Variants in ATXN2 observed in about 807,000 individuals in gnomAD.
ATXN2 encodes the protein ataxin 2.
In ATXN2, 37 loss-of-function variants were observed where a neutral mutation model predicts 138.6. That is an observed-to-expected ratio of 0.27 (90% CI 0.21 to 0.35). The LOEUF is 0.35. Ranked by LOEUF, ATXN2 falls within the 10% of genes least tolerant of loss-of-function variation. The probability of loss-of-function intolerance (pLI) is 1.00; values close to 1 mark genes in which losing one functional copy is unlikely to be tolerated. For synonymous variants in ATXN2, 549 were observed against 543.7 expected (o/e 1.01, Z -0.13); for missense variants, 1,216 against 1,480.3 (o/e 0.82, Z 2.93).
At chr12:111,455,242 G>A (rs1400989446) in intron 23 of ATXN2, 1 of 659,484 alleles carries the variant, frequency 1.5e-6, no homozygotes, top group Non-Finnish European at 2.8e-6. Flanking sequence ...CCCCAGGGAG[G>A]GCCTCAAGGC....
At chr12:111,573,664 T>C (rs1038121984) in intron 1 of ATXN2, among the ~76,000 whole-genome samples, 10 of 152,134 alleles carry the variant, frequency 6.6e-5, no homozygotes, top group African/African-American at 1.9e-4. Flanking sequence ...ATCCATCACT[T>C]CCTCATCTGT....
intron 20 of ATXN2, among the ~76,000 whole-genome samples, chr12:111,466,433 G>A (rs1876031995): frequency 6.6e-6 from 1 of 151,864 alleles, no homozygotes; most frequent in South Asian, 2.1e-4. Flanking sequence ...CGCAGGAGGC[G>A]GAGCGTGCAG....
intron 14 of ATXN2, among the ~76,000 whole-genome samples, chr12:111,493,550 T>C (rs1450051768): frequency 6.6e-6 from 1 of 151,940 alleles, no homozygotes. Flanking sequence ...ATTGTAACAC[T>C]GTAATTGTGG....
intron 16 of ATXN2, among the ~76,000 whole-genome samples, chr12:111,486,272 A>G (rs1334164530): frequency 6.6e-6 from 1 of 152,262 alleles, no homozygotes; most frequent in Non-Finnish European, 1.5e-5. Flanking sequence ...AAAATCATGT[A>G]GTATTCGCAT....
At chr12:111,529,132 A>T (rs1041298653) in intron 5 of ATXN2, among the ~76,000 whole-genome samples, 12 of 143,792 alleles carry the variant, frequency 8.3e-5, no homozygotes, top group Admixed American at 4.9e-4. Flanking sequence ...TCTGGATTTT[A>T]AAAAAAAAAA....
intron 1 of ATXN2, among the ~76,000 whole-genome samples, chr12:111,585,098 G>A (rs1485140976): frequency 6.6e-6 from 1 of 152,130 alleles, no homozygotes; most frequent in Non-Finnish European, 1.5e-5. Context: ...TTCTTTGGGA[G>A]ATATAAAAAA....
chr12:111,467,982 C>T (rs1394167648), intron 20 of ATXN2, among the ~76,000 whole-genome samples: 1 of 152,218 alleles, frequency 6.6e-6, no homozygotes, highest in African/African-American at 2.4e-5. Context: ...AACTACTCTC[C>T]AAATGCAATG....
At chr12:111,589,042 C>T (rs1310290035) in intron 1 of ATXN2, among the ~76,000 whole-genome samples, 2 of 131,592 alleles carry the variant, frequency 1.5e-5, no homozygotes, top group Admixed American at 8.6e-5. Flanking sequence ...AAACTGGTCA[C>T]GGTGGCTCAC....
chr12:111,453,996 G>T lies in ATXN2; in HGVS notation c.3271-151C>A. 1 of 741,566 alleles carries T rather than the reference G, an allele frequency of 1.3e-6. No homozygotes were observed. Among genetic ancestry groups the T allele is most frequent in the Non-Finnish European group, 2.1e-6 (1 of 470,018 alleles). 45.9% of individuals were successfully genotyped at this position (741,566 alleles called of 1,614,324 possible). ...TGTTCTCTGGGGACAATCTCTAGTA[G>T]ATTATCTATTGACCTGAAGACGCGC... On this transcript the variant is annotated intron_variant, in intron 23 of 24. Transcript: ENST00000673436. The surrounding 1 kb of genome is among the most constrained non-coding windows in gnomAD (Gnocchi z 5.4).
intron 1 of ATXN2, among the ~76,000 whole-genome samples, chr12:111,568,338 A>T (rs1169957403): frequency 6.6e-6 from 1 of 151,980 alleles, no homozygotes. Flanking sequence ...ACCATACAAT[A>T]TAATTATAGA....
At chr12:111,587,949 T>A (rs1460376795) in intron 1 of ATXN2, among the ~76,000 whole-genome samples, 1 of 151,996 alleles carries the variant, frequency 6.6e-6, no homozygotes, top group Non-Finnish European at 1.5e-5. Context: ...CACCAGCATG[T>A]TAGGAGGCCT....
At chr12:111,559,187 C>T (rs527972245) in intron 1 of ATXN2, among the ~76,000 whole-genome samples, 124 of 150,110 alleles carry the variant, frequency 8.3e-4, no homozygotes, top group African/African-American at 3.0e-3. Context: ...GGCTGGAGTG[C>T]AGTGGCACGA....
At chr12:111,554,511 GTTTA>G (rs1014434387) in intron 2 of ATXN2, among the ~76,000 whole-genome samples, 2 of 152,158 alleles carry the variant, frequency 1.3e-5, no homozygotes, top group African/African-American at 2.4e-5. Context: ...GGAAGATTTT[GTTTA>G]TTTAATATTT....
At chr12:111,463,775 G>A (rs1426604888) in intron 21 of ATXN2, among the ~76,000 whole-genome samples, 1 of 151,990 alleles carries the variant, frequency 6.6e-6, no homozygotes, top group African/African-American at 2.4e-5. Context: ...GATATCCTGA[G>A]GGGTCTGCTT....
intron 14 of ATXN2, among the ~76,000 whole-genome samples, chr12:111,506,122 T>C (rs1879090021): frequency 6.6e-6 from 1 of 152,142 alleles, no homozygotes; most frequent in Non-Finnish European, 1.5e-5. Context: ...TCCATTTGTA[T>C]GAAATGGAAT....
chr12:111,599,080 G>T lies in ATXN2; in HGVS notation c.-46C>A. 7.2e-7 allele frequency: 1 copy of T among 1,383,196 alleles called. No homozygotes were observed. Among genetic ancestry groups the T allele is most frequent in the East Asian group, 3.1e-5 (1 of 32,018 alleles). The allele number at this position is 1,383,196 out of a possible 1,614,324, so 85.7% of individuals were successfully genotyped here. ...GCTCGCACGCCGGGCGGGGACAGCCGGGAGCCGGGCGCGCCAAGGAGACGC... is the reference window on the plus strand; with the variant it reads ...GCTCGCACGCCGGGCGGGGACAGCCTGGAGCCGGGCGCGCCAAGGAGACGC... On this transcript the variant is annotated 5_prime_UTR_variant, in exon 1 of 25. Coordinates refer to ENST00000673436, the MANE Select transcript of ATXN2 (RefSeq NM_001372574.1).
Position 111,560,386 on chromosome 12 carries a change from C to T in ATXN2, c.252-4467G>A, listed in dbSNP as rs1882615993. Among the ~76,000 whole-genome samples, 4 of 152,076 alleles carry T rather than the reference C, an allele frequency of 2.6e-5. No individual in the cohort carries two copies. The South Asian group carries it at 8.3e-4, about 32-fold the overall frequency. The stretch of plus-strand genomic sequence containing the variant: ...TGTGCCATTTTATGAGGGACTAGAG[C>T]ATCCATAAATTTTTATATCCAACGG... On this transcript the variant is annotated intron_variant, in intron 1 of 24. Transcript: ENST00000673436.
At chr12:111,599,605 A>ACGTG (rs1885170186), upstream of ATXN2, 1 of 1,076,394 alleles carries the variant, frequency 9.3e-7, no homozygotes, top group Admixed American at 5.3e-5. Context: ...CGGAAGCAGA[A>ACGTG]CGTGAGGTGG....
chr12:111,475,487 CTTTTTTTTTTT>C (rs538338911), intron 18 of ATXN2, among the ~76,000 whole-genome samples: 4 of 118,650 alleles, frequency 3.4e-5, no homozygotes, highest in Non-Finnish European at 5.4e-5. Context: ...TTTTCTGTTT[CTTTTTTTTTTT>C]TTTTTTTTTA....
Sources: gnomAD v4.1 joint callset for allele counts (sites outside exome capture counted in the v4.1 genomes callset) on GRCh38, gnomAD v4.1.1 for gene constraint, Gnocchi (gnomAD v3.1) non-coding constraint, MANE v1.5 for transcripts, NCBI Gene and HGNC (gene_info 2026-07-23, HGNC 2026-07-21) for gene names.